The following CARD6 variants were observed in gnomAD, a reference collection of about 807,000 sequenced individuals.
CARD6 encodes the protein caspase recruitment domain family member 6, also known as caspase recruitment domain-containing protein 6.
CARD6 carries 27 observed loss-of-function variants against 23.6 expected under a neutral mutation model. That is an observed-to-expected ratio of 1.14 (90% confidence interval 0.84 to 1.58). The LOEUF (loss-of-function observed/expected upper bound fraction) is 1.58. Among genes scored for constraint, CARD6 ranks in the 40% most tolerant of loss-of-function variants. CARD6 has a pLI of 0.00. For missense variants in CARD6, 1,214 were observed against 1,209.9 expected, an observed-to-expected ratio of 1.00 and a Z score of -0.05; for synonymous variants, 397 against 431.8, an observed-to-expected ratio of 0.92 and a Z score of 1.00.
At position 40,843,627 on chromosome 5, in the gene CARD6, A is replaced by G. The variant is rs2112167633; in HGVS notation, c.759A>G (p.Thr253=). The stretch of plus-strand genomic sequence containing the variant: ...AGGACTTCGAGAATTCAGAAACCAC[A>G]GAGTTCTCTGGTGAAGAACCAAGTT... The part of the protein sequence containing the change: ...GEEDFENSET[T]EFSGEEPSYE... Residue 253 remains threonine (T), a synonymous_variant, in exon 2 of 3, where the codon ACA becomes ACG. Transcript: ENST00000254691. 1 of 1,598,946 alleles carries G rather than the reference A, an allele frequency of 6.3e-7. No homozygotes were observed. Among genetic ancestry groups the G allele is most frequent in the Non-Finnish European group, 8.5e-7 (1 of 1,175,724 alleles).
rs61757657 is a variant in CARD6 at position 40,843,659 on chromosome 5, G to A, written c.791G>A (p.Gly264Glu). 2,179 of 1,566,530 alleles carry A rather than the reference G, an allele frequency of 1.4e-3. 16 individuals carry two copies. In the African/African-American group the frequency reaches 0.023, roughly 16 times the overall value. ...EFSGEEPSYE[G>E]SETSLSLEEE... ...TCTGGTGAAGAACCAAGTTATGAGG[G>A]ATCAGAAACCAGCCTTTCATTGGAG... Residue 264 changes from glycine (G) to glutamate (E), a missense_variant, in exon 2 of 3, where the codon GGA becomes GAA. Gly to Glu is a moderately conservative substitution (Grantham distance 98). Transcript: ENST00000254691.
At chr5:40,850,664 G>A (rs757144423) in intron 2 of CARD6, among the ~76,000 whole-genome samples, 57 of 139,334 alleles carry the variant, frequency 4.1e-4, no homozygotes, top group Non-Finnish European at 5.3e-4. Flanking sequence ...GGAAGTTGCA[G>A]TGAGCCGAGA....
rs1745909365 is a variant in CARD6 at position 40,843,362 on chromosome 5, A to C, written c.494A>C (p.Asn165Thr). Residue 165 changes from asparagine to threonine, a missense_variant, in exon 2 of 3, where the codon AAT becomes ACT. Coordinates refer to ENST00000254691, the MANE Select transcript of CARD6 (RefSeq NM_032587.4). ...GAAACAGCTTTGTCTGCCAGGAAGAATGAGAAGGAATATGACACACCAGAA... is the reference window on the plus strand; with the variant it reads ...GAAACAGCTTTGTCTGCCAGGAAGACTGAGAAGGAATATGACACACCAGAA... ...YRETALSARK[N>T]EKEYDTPEVT... 3 of 1,614,182 alleles carry C rather than the reference A, an allele frequency of 1.9e-6. No individual in the cohort carries two copies. In the East Asian group the frequency reaches 6.7e-5, roughly 36 times the overall value.
At chr5:40,852,065 C>A in intron 2 of CARD6, 109 bp from the exon 3 acceptor site, 1 of 672,604 alleles carries the variant, frequency 1.5e-6, no homozygotes, top group Non-Finnish European at 2.6e-6. Context: ...GATGATCATG[C>A]CCCTGGATTC....
chr5:40,847,533 A>G (rs908963464), intron 2 of CARD6, among the ~76,000 whole-genome samples: 1 of 152,100 alleles, frequency 6.6e-6, no homozygotes, highest in Non-Finnish European at 1.5e-5. Context: ...TGCTGGTGGT[A>G]AATTCTCTTA....
At chr5:40,845,697 A>G (rs1419555391) in intron 2 of CARD6, among the ~76,000 whole-genome samples, 1 of 151,944 alleles carries the variant, frequency 6.6e-6, no homozygotes, top group Non-Finnish European at 1.5e-5. Context: ...TAACATTCTA[A>G]TATTGCAGTG....
At position 40,853,505 on chromosome 5, in the gene CARD6, A is replaced by C. The variant is rs1180788989; in HGVS notation, c.2173A>C (p.Arg725=). 1 of 1,614,192 alleles carries C rather than the reference A, an allele frequency of 6.2e-7. No individual in the cohort carries two copies. Among genetic ancestry groups the C allele is most frequent in the Non-Finnish European group, 8.5e-7 (1 of 1,180,032 alleles). Residue 725 remains arginine, a synonymous_variant, in exon 3 of 3, where the codon AGG becomes CGG. Transcript: ENST00000254691. ...LQNLYGTPVF[R]PVLENSWLFP... is the part of the protein sequence containing the mutation. Reference sequence around the variant, plus strand: ...GAATCTCTATGGTACCCCAGTATTCAGGCCTGTTCTAGAGAACTCCTGGCT... The same window carrying C: ...GAATCTCTATGGTACCCCAGTATTCCGGCCTGTTCTAGAGAACTCCTGGCT...
chr5:40,845,454 A>G (rs1232847023), intron 2 of CARD6, among the ~76,000 whole-genome samples: 2 of 152,170 alleles, frequency 1.3e-5, no homozygotes, highest in African/African-American at 4.8e-5. Context: ...GGATTTCAAC[A>G]TATGAATTTT....
chr5:40,843,732 T>C, intron 2 of CARD6, 23 bp downstream of exon 2: 1 of 1,443,754 alleles, frequency 6.9e-7, no homozygotes, highest in African/African-American at 1.4e-5. Flanking sequence ...CTTGTATAGT[T>C]AGTTAGGCAA....
At chr5:40,841,774 C>T in intron 1 of CARD6, 109 bp downstream of exon 1, 3 of 935,516 alleles carry the variant, frequency 3.2e-6, no homozygotes, top group Non-Finnish European at 4.7e-6. Flanking sequence ...TAGTCTTTTT[C>T]TGGAGATAAT....
chr5:40,847,892 C>T (rs1408285355), intron 2 of CARD6, among the ~76,000 whole-genome samples: 2 of 149,544 alleles, frequency 1.3e-5, no homozygotes, highest in Admixed American at 6.7e-5. Flanking sequence ...TGTTATTTAC[C>T]GAGATTTTTT....
At position 40,853,113 on chromosome 5, in the gene CARD6, A is replaced by C; in HGVS notation, c.1781A>C (p.Gln594Pro). ...CAAGCCAGGGAGAGTGAAGAGGCTCAAATTTTTCAGAGGATACTGAACTTG... is the reference window on the plus strand; with the variant it reads ...CAAGCCAGGGAGAGTGAAGAGGCTCCAATTTTTCAGAGGATACTGAACTTG... Reference protein sequence around the residue: ...SSQARESEEAQIFQRILNLKP... With the variant: ...SSQARESEEAPIFQRILNLKP... Residue 594 changes from glutamine (Q) to proline (P), a missense_variant, in exon 3 of 3, where the codon CAA (glutamine) becomes CCA (proline). Gln to Pro is a moderately conservative substitution (Grantham distance 76). Coordinates refer to ENST00000254691, the MANE Select transcript of CARD6 (RefSeq NM_032587.4). 1 of 1,614,186 alleles carries C rather than the reference A, an allele frequency of 6.2e-7. No homozygotes were observed. Among genetic ancestry groups the C allele is most frequent in the Non-Finnish European group, 8.5e-7 (1 of 1,180,028 alleles).
At position 40,852,660 on chromosome 5, in the gene CARD6, C is replaced by G; in HGVS notation, c.1328C>G (p.Thr443Arg). Residue 443 changes from threonine to arginine, a missense_variant, in exon 3 of 3, where the codon ACA (threonine) becomes AGA (arginine). Transcript: ENST00000254691. The stretch of plus-strand genomic sequence containing the variant: ...TTTTCAGGGGGGCCTACAGAGGATA[C>G]AGAAAAGTTTCTGACTCTCATGAAG... ...TQFSGGPTEDTEKFLTLMKMP... is the reference protein window; with the variant it reads ...TQFSGGPTEDREKFLTLMKMP... 3 of 1,614,190 alleles carry G rather than the reference C, an allele frequency of 1.9e-6. No homozygotes were observed. The highest frequency in any genetic ancestry group is 2.5e-6 in the Non-Finnish European group (3 of 1,180,032).
rs1258576728 is a variant in CARD6 at position 40,853,810 on chromosome 5, A to G, written c.2478A>G (p.Val826=). ...GRLPRPICQH[V]QACPERPQMM... is the part of the protein sequence containing the mutation. ...TGCCAAGACCCATTTGTCAGCATGT[A>G]CAGGCCTGCCCTGAGAGACCACAAA... The change falls in exon 3 of 3, where the codon GTA becomes GTG. Residue 826 remains valine, a synonymous_variant. Transcript: ENST00000254691. 5.0e-6 allele frequency: 8 copies of G among 1,614,070 alleles called. No individual in the cohort carries two copies. The Admixed American group carries it at 6.7e-5, about 13-fold the overall frequency.
rs755846558 is a variant in CARD6, at chr5:40,853,862, G to A, written c.2530G>A (p.Ala844Thr). 2 of 1,614,190 alleles carry A rather than the reference G, an allele frequency of 1.2e-6. No individual in the cohort carries two copies. The highest frequency in any genetic ancestry group is 1.1e-5 in the South Asian group (1 of 91,084). Reference sequence around the variant, plus strand: ...GATGGGAACTCTTGAAAGGTCTAGGGCAGTAGCCTCCAAGATAGGTCACTC... The same window carrying A: ...GATGGGAACTCTTGAAAGGTCTAGGACAGTAGCCTCCAAGATAGGTCACTC... ...QMMGTLERSR[A>T]VASKIGHSYS... Residue 844 changes from alanine to threonine, a missense_variant, in exon 3 of 3, where the codon GCA (alanine) becomes ACA (threonine). Coordinates refer to ENST00000254691, the MANE Select transcript of CARD6 (RefSeq NM_032587.4).
chr5:40,843,552 G>T lies in CARD6; in HGVS notation c.684G>T (p.Val228=). ...VDTPEDAEAT[V]EEEVYDDPEH... Reference sequence around the variant, plus strand: ...CCCCTGAAGATGCAGAAGCCACTGTGGAAGAGGAGGTTTATGATGACCCAG... The same window carrying T: ...CCCCTGAAGATGCAGAAGCCACTGTTGAAGAGGAGGTTTATGATGACCCAG... The change falls in exon 2 of 3, where the codon GTG becomes GTT. Residue 228 remains valine (V), a synonymous_variant. Coordinates refer to ENST00000254691, the MANE Select transcript of CARD6 (RefSeq NM_032587.4). 6.2e-7 allele frequency: 1 copy of T among 1,608,774 alleles called. No individual in the cohort carries two copies. Among genetic ancestry groups the T allele is most frequent in the Non-Finnish European group, 8.5e-7 (1 of 1,178,694 alleles).
rs1746132106 is a variant in CARD6, at chr5:40,853,860, G to A, written c.2528G>A (p.Arg843Lys). The A allele has an allele frequency of 1.2e-6, 2 of 1,614,068 alleles. No individual in the cohort carries two copies. Among genetic ancestry groups the A allele is most frequent in the African/African-American group, 2.7e-5 (2 of 74,906 alleles). ...ATGATGGGAACTCTTGAAAGGTCTA[G>A]GGCAGTAGCCTCCAAGATAGGTCAC... ...PQMMGTLERS[R>K]AVASKIGHSY... Residue 843 changes from arginine (R) to lysine (K), a missense_variant, in exon 3 of 3, where the codon AGG (arginine) becomes AAG (lysine). Physicochemically the swap from Arg to Lys is conservative, Grantham distance 26 (BLOSUM62 2). Coordinates refer to ENST00000254691, the MANE Select transcript of CARD6 (RefSeq NM_032587.4).
At chr5:40,849,285 C>T (rs1481555129) in intron 2 of CARD6, among the ~76,000 whole-genome samples, 3 of 152,178 alleles carry the variant, frequency 2.0e-5, no homozygotes, top group South Asian at 4.1e-4. Context: ...GTGCGAGCCA[C>T]TGCACCCAGC....
rs777159429 is a variant in CARD6, at chr5:40,843,615, T to C, written c.747T>C (p.Asn249=). 2.5e-6 allele frequency: 4 copies of C among 1,603,682 alleles called. No individual in the cohort carries two copies. In the East Asian group the frequency reaches 8.9e-5, roughly 36 times the overall value. ...VGYDGEEDFE[N]SETTEFSGEE... ...ATGATGGTGAAGAGGACTTCGAGAATTCAGAAACCACAGAGTTCTCTGGTG... is the reference window on the plus strand; with the variant it reads ...ATGATGGTGAAGAGGACTTCGAGAACTCAGAAACCACAGAGTTCTCTGGTG... The change falls in exon 2 of 3, where the codon AAT becomes AAC. Residue 249 remains asparagine (N), a synonymous_variant. Coordinates refer to ENST00000254691, the MANE Select transcript of CARD6 (RefSeq NM_032587.4).
Sources: gnomAD v4.1 joint callset for allele counts (sites outside exome capture counted in the v4.1 genomes callset) on GRCh38, gnomAD v4.1.1 for gene constraint, MANE v1.5 for transcripts, NCBI Gene and HGNC (gene_info 2026-07-23, HGNC 2026-07-21) for gene names.